FAM168B: variants seen among roughly 807,000 people sequenced by gnomAD.
FAM168B encodes the protein family with sequence similarity 168 member B, also known as myelin-associated neurite-outgrowth inhibitor.
A neutral mutation model predicts 21.8 loss-of-function variants in FAM168B; 19 were observed. The observed-to-expected ratio is 0.87, with a 90% CI of 0.61 to 1.28. The LOEUF is 1.28. FAM168B is among the 50% of genes most tolerant of loss of function. The probability of loss-of-function intolerance (pLI) is 0.00; values close to 1 mark genes in which losing one functional copy is unlikely to be tolerated. For synonymous variants in FAM168B, 126 were observed against 104.8 expected, an observed-to-expected ratio of 1.20 and a Z score of -1.24; for missense variants, 233 against 263.1, an observed-to-expected ratio of 0.89 and a Z score of 0.79.
intron 1 of FAM168B, among the ~76,000 whole-genome samples, chr2:131,085,269 A>G (rs1456125378): frequency 1.3e-5 from 2 of 152,138 alleles, no homozygotes; most frequent in Non-Finnish European, 2.9e-5. Flanking sequence ...GGGCAATATA[A>G]TAAGGTTCCA....
At chr2:131,084,571 A>G (rs1238596367) in intron 1 of FAM168B, among the ~76,000 whole-genome samples, 1 of 151,676 alleles carries the variant, frequency 6.6e-6, no homozygotes, top group Non-Finnish European at 1.5e-5. Context: ...ACAGCCCAGC[A>G]CCTCTATGAA....
chr2:131,072,732 C>G (rs752411242), intron 2 of FAM168B, among the ~76,000 whole-genome samples: 1 of 152,196 alleles, frequency 6.6e-6, no homozygotes, highest in Non-Finnish European at 1.5e-5. Flanking sequence ...GCTGGGATTA[C>G]AGGCATAAGC....
In FAM168B at chr2:131,049,454, TG is replaced by T. The variant is rs1163712717; in HGVS notation, c.*3010del. The T allele has an allele frequency of 2.0e-6, 2 of 985,326 alleles. No homozygotes were observed. Among genetic ancestry groups the T allele is most frequent in the African/African-American group, 1.7e-5 (1 of 57,228 alleles). 61.0% of individuals were successfully genotyped at this position (985,326 alleles called of 1,614,324 possible). ...GGCTCACGAGAGACATAAAAGGTTC[TG>T]GAAGTGCCTTCAGGCCCATTACCAT... On this transcript the variant is annotated 3_prime_UTR_variant, in exon 7 of 7. Transcript: ENST00000389915.
At chr2:131,054,552 G>T (rs957374935) in intron 5 of FAM168B, among the ~76,000 whole-genome samples, 2 of 152,204 alleles carry the variant, frequency 1.3e-5, no homozygotes, top group Non-Finnish European at 2.9e-5. Context: ...TCCTTACACT[G>T]AAGTCAAGTC....
At chr2:131,080,091 T>C (rs971918787) in intron 2 of FAM168B, among the ~76,000 whole-genome samples, 4 of 151,306 alleles carry the variant, frequency 2.6e-5, no homozygotes, top group African/African-American at 9.7e-5. Flanking sequence ...CACTCCAGCC[T>C]GGGCAACAAG....
intron 3 of FAM168B, among the ~76,000 whole-genome samples, chr2:131,063,097 A>T (rs1018755962): frequency 6.6e-6 from 1 of 152,214 alleles, no homozygotes; most frequent in African/African-American, 2.4e-5. Context: ...TAATCGTAGA[A>T]TCTTAGCAGT....
chr2:131,077,261 T>C (rs1336252452), intron 2 of FAM168B, among the ~76,000 whole-genome samples: 3 of 149,970 alleles, frequency 2.0e-5, no homozygotes, highest in Non-Finnish European at 3.0e-5. Context: ...TGAACTGTTA[T>C]GGAGTGATTC....
chr2:131,059,832 T>G (rs1692205155), intron 3 of FAM168B, among the ~76,000 whole-genome samples: 1 of 152,228 alleles, frequency 6.6e-6, no homozygotes, highest in Non-Finnish European at 1.5e-5. Flanking sequence ...TTCTAATTTA[T>G]CTTTTAAAGA....
At chr2:131,086,328 G>C (rs919051987) in intron 1 of FAM168B, among the ~76,000 whole-genome samples, 46 of 152,166 alleles carry the variant, frequency 3.0e-4, no homozygotes, top group Non-Finnish European at 5.0e-4. Flanking sequence ...AGGCCACAGA[G>C]AAAACAAAAT....
Position 131,049,255 on chromosome 2 carries a change from G to T in FAM168B, c.*3210C>A, listed in dbSNP as rs1298417116. 1.0e-6 allele frequency: 1 copy of T among 985,334 alleles called. No individual in the cohort carries two copies. Among genetic ancestry groups the T allele is most frequent in the Non-Finnish European group, 1.2e-6 (1 of 829,988 alleles). 61.0% of individuals were successfully genotyped at this position (985,334 alleles called of 1,614,324 possible). A position where few individuals can be genotyped will look rare whatever the true frequency, so the allele number is the denominator to read the frequency against. On this transcript the variant is annotated 3_prime_UTR_variant, in exon 7 of 7. Coordinates refer to ENST00000389915, the MANE Select transcript of FAM168B (RefSeq NM_001009993.4). Reference sequence around the variant, plus strand: ...CAGATGATGCCACCAGAAAGAGCAAGGTACTGTATGCCCAGCTGGGGAAGG... The same window carrying T: ...CAGATGATGCCACCAGAAAGAGCAATGTACTGTATGCCCAGCTGGGGAAGG...
intron 1 of FAM168B, among the ~76,000 whole-genome samples, chr2:131,091,336 C>A (rs1694015475): frequency 6.7e-6 from 1 of 149,666 alleles, no homozygotes; most frequent in Non-Finnish European, 1.5e-5. Context: ...AAAACTGTCT[C>A]AAAAAAATAA....
Position 131,050,666 on chromosome 2 carries a change from A to T in FAM168B, c.*1799T>A. 2.0e-6 allele frequency: 2 copies of T among 985,054 alleles called. No individual in the cohort carries two copies. Among genetic ancestry groups the T allele is most frequent in the Non-Finnish European group, 2.4e-6 (2 of 829,480 alleles). The allele number at this position is 985,054 out of a possible 1,614,324, so 61.0% of individuals were successfully genotyped here. A position where few individuals can be genotyped will look rare whatever the true frequency, so the allele number is the denominator to read the frequency against. On this transcript the variant is annotated 3_prime_UTR_variant, in exon 7 of 7. Transcript: ENST00000389915. ...AAAATAAGATGTGAAAAAGAAAATTATAAGAAGTACTTACTATAAAAAATA... is the reference window on the plus strand; with the variant it reads ...AAAATAAGATGTGAAAAAGAAAATTTTAAGAAGTACTTACTATAAAAAATA...
At chr2:131,068,718 G>C (rs576781064) in intron 3 of FAM168B, among the ~76,000 whole-genome samples, 1 of 152,132 alleles carries the variant, frequency 6.6e-6, no homozygotes, top group African/African-American at 2.4e-5. Flanking sequence ...AGAGATGTTC[G>C]AGAAGATGGG....
At chr2:131,087,332 T>C (rs1305502253) in intron 1 of FAM168B, among the ~76,000 whole-genome samples, 1 of 151,808 alleles carries the variant, frequency 6.6e-6, no homozygotes, top group East Asian at 1.9e-4. Context: ...ATTAGCCAGG[T>C]GTGTTGGCAG....
intron 3 of FAM168B, among the ~76,000 whole-genome samples, chr2:131,062,823 C>T (rs558461246): frequency 7.2e-5 from 11 of 152,356 alleles, no homozygotes; most frequent in Non-Finnish European, 1.3e-4. Context: ...TCCAAGGAAG[C>T]ATGCATATGC....
At chr2:131,078,453 C>G (rs962914227) in intron 2 of FAM168B, among the ~76,000 whole-genome samples, 11 of 152,114 alleles carry the variant, frequency 7.2e-5, no homozygotes, top group Non-Finnish European at 1.3e-4. Context: ...CTGAAATGGT[C>G]TAAAACACTT....
chr2:131,062,465 T>G (rs1446978343), intron 3 of FAM168B, among the ~76,000 whole-genome samples: 1 of 152,092 alleles, frequency 6.6e-6, no homozygotes, highest in East Asian at 1.9e-4. Flanking sequence ...GTTTTTGTTT[T>G]GAGACGGAGT....
rs145809016 is a variant in FAM168B at position 131,055,219 on chromosome 2, C to T, written c.475+53G>A. The stretch of plus-strand genomic sequence containing the variant: ...TCAGAGGATTCGTGAGCTCTCCCCT[C>T]CCCCAGCTCTAGGGTACACCATAGG... On this transcript the variant is annotated intron_variant, in intron 5 of 6. Transcript: ENST00000389915. 3.5e-4 allele frequency: 492 copies of T among 1,417,508 alleles called. 1 individual carries two copies. The African/African-American group carries it at 6.5e-3, about 19-fold the overall frequency. 87.8% of individuals were successfully genotyped at this position (1,417,508 alleles called of 1,614,324 possible).
intron 3 of FAM168B, among the ~76,000 whole-genome samples, chr2:131,061,610 A>G (rs938520197): frequency 6.6e-6 from 1 of 152,082 alleles, no homozygotes; most frequent in African/African-American, 2.4e-5. Context: ...GTGAAACCCC[A>G]TCGCTACTAA....
Sources: gnomAD v4.1 joint callset for allele counts (sites outside exome capture counted in the v4.1 genomes callset) on GRCh38, gnomAD v4.1.1 for gene constraint, MANE v1.5 for transcripts, NCBI Gene and HGNC (gene_info 2026-07-23, HGNC 2026-07-21) for gene names.